Variants in STX12 observed in about 807,000 individuals in gnomAD.
STX12 encodes syntaxin-12.
In STX12, 17 loss-of-function variants were observed where a neutral mutation model predicts 42.2. That is an observed-to-expected ratio of 0.40 (90% CI 0.28 to 0.60). The LOEUF is 0.60. Ranked by LOEUF, STX12 falls within the 20% of genes least tolerant of loss-of-function variation. STX12 has a pLI of 0.39. For synonymous variants in STX12, 108 were observed against 116.7 expected, an observed-to-expected ratio of 0.93 and a Z score of 0.48; for missense variants, 297 against 330.9, an observed-to-expected ratio of 0.90 and a Z score of 0.79.
chr1:27,807,345 G>A (rs897815933), intron 4 of STX12, among the ~76,000 whole-genome samples: 3 of 151,618 alleles, frequency 2.0e-5, no homozygotes, highest in African/African-American at 4.9e-5. Flanking sequence ...CCACTTCCCC[G>A]CCACCAGTCC....
chr1:27,800,488 G>GGTGTGTGT (rs57488710), intron 3 of STX12, among the ~76,000 whole-genome samples: 24 of 140,986 alleles, frequency 1.7e-4, no homozygotes, highest in Non-Finnish European at 3.4e-4. Context: ...GTCAGTATGT[G>GGTGTGTGT]GTGTGTGTGT....
Position 27,812,143 on chromosome 1 carries a change from G to A in STX12, c.471-20G>A. On this transcript the variant is annotated intron_variant, in intron 5 of 8. Transcript: ENST00000373943. The stretch of plus-strand genomic sequence containing the variant: ...TGCCTTTGAGAGGAGAAATCACCTA[G>A]TGTGCCTGTTTCCCTGCAGCCATGA... The A allele has an allele frequency of 6.5e-7, 1 of 1,546,138 alleles. No individual in the cohort carries two copies. The highest frequency in any genetic ancestry group is 1.4e-5 in the African/African-American group (1 of 73,072).
intron 3 of STX12, among the ~76,000 whole-genome samples, chr1:27,798,420 G>A (rs1411943677): frequency 6.6e-6 from 1 of 151,778 alleles, no homozygotes; most frequent in Non-Finnish European, 1.5e-5. Context: ...CGAGGTGGGC[G>A]GATCACCTGA....
rs779453028 is a variant in STX12 at position 27,773,328 on chromosome 1, C to T, written c.21C>T (p.Asp7=). 1 of 1,611,262 alleles carries T rather than the reference C, an allele frequency of 6.2e-7. No individual in the cohort carries two copies. The highest frequency in any genetic ancestry group is 1.1e-5 in the South Asian group (1 of 90,772). Residue 7 remains aspartate (D), a synonymous_variant, in exon 1 of 9, where the codon GAC becomes GAT. Transcript: ENST00000373943. MSYGPL[D]MYRNPGPSGP... ...TCGTCATGTCATACGGTCCCTTAGA[C>T]ATGTACCGGAACCCGGGGCCCTCGG...
At chr1:27,781,038 CATTATT>C (rs2088664750) in intron 1 of STX12, among the ~76,000 whole-genome samples, 1 of 151,832 alleles carries the variant, frequency 6.6e-6, no homozygotes, top group African/African-American at 2.4e-5. Context: ...TAAATGGTGA[CATTATT>C]ATTATTTTTA....
At chr1:27,787,072 G>A (rs780870153) in intron 1 of STX12, among the ~76,000 whole-genome samples, 2 of 152,094 alleles carry the variant, frequency 1.3e-5, no homozygotes, top group Non-Finnish European at 2.9e-5. Flanking sequence ...TTGTCAAAAG[G>A]CAAAATTTGA....
chr1:27,807,737 T>G (rs891397067), intron 4 of STX12, among the ~76,000 whole-genome samples: 1 of 152,244 alleles, frequency 6.6e-6, no homozygotes, highest in Non-Finnish European at 1.5e-5. Flanking sequence ...TGTACAAGAA[T>G]GTGCATAGCA....
At chr1:27,806,913 C>G (rs1301216996) in intron 4 of STX12, among the ~76,000 whole-genome samples, 3 of 152,172 alleles carry the variant, frequency 2.0e-5, no homozygotes, top group Non-Finnish European at 4.4e-5. Context: ...CTCATGAGAA[C>G]TCCCTCACTA....
intron 6 of STX12, 89 bp from the exon 7 acceptor site, chr1:27,817,762 T>A: frequency 2.7e-6 from 3 of 1,116,616 alleles, no homozygotes. Context: ...AAAACACACG[T>A]GTTAATAGCT....
intron 8 of STX12, among the ~76,000 whole-genome samples, chr1:27,821,260 G>A (rs1251564027): frequency 6.6e-6 from 1 of 151,744 alleles, no homozygotes; most frequent in African/African-American, 2.4e-5. Flanking sequence ...AAAGAAATTC[G>A]TATTTAATAA....
intron 6 of STX12, 35 bp downstream of exon 6, chr1:27,812,303 T>C: frequency 6.7e-7 from 1 of 1,491,242 alleles, no homozygotes; most frequent in Non-Finnish European, 9.1e-7. Context: ...TTTGACTCAG[T>C]GTGTCTGCAG....
chr1:27,812,839 C>T (rs1032965768), intron 6 of STX12, among the ~76,000 whole-genome samples: 2 of 152,154 alleles, frequency 1.3e-5, no homozygotes, highest in African/African-American at 4.8e-5. Context: ...TCTTATTTCT[C>T]CTGGAGAAAT....
At position 27,822,430 on chromosome 1, in the gene STX12, C is replaced by T. The variant is rs749588204; in HGVS notation, c.*101C>T. The T allele has an allele frequency of 3.3e-5, 25 of 755,374 alleles. No individual in the cohort carries two copies. The highest frequency in any genetic ancestry group is 2.2e-4 in the Admixed American group (11 of 50,176). The allele number at this position is 755,374 out of a possible 1,614,324, so 46.8% of individuals were successfully genotyped here. On this transcript the variant is annotated 3_prime_UTR_variant, in exon 9 of 9. Coordinates refer to ENST00000373943, the MANE Select transcript of STX12 (RefSeq NM_177424.3). ...CACAAGAAGACAGCATATATCAGAACGTCCTGTAATCATTTAGTTAGAAAC... is the reference window on the plus strand; with the variant it reads ...CACAAGAAGACAGCATATATCAGAATGTCCTGTAATCATTTAGTTAGAAAC...
chr1:27,789,552 A>G lies in STX12; in HGVS notation c.119-10A>G, dbSNP rs374542398. On this transcript the variant is annotated splice_polypyrimidine_tract_variant and intron_variant, in intron 1 of 8. Coordinates refer to ENST00000373943, the MANE Select transcript of STX12 (RefSeq NM_177424.3). ...CTTTTAAATAAATCTTTTTCTTCCT[A>G]TCTCCCCAGCTGCTCAGATAAAGAA... is the stretch of plus-strand genomic sequence containing the variant. The G allele has an allele frequency of 3.7e-6, 6 of 1,610,282 alleles. 1 individual carries two copies. The highest frequency in any genetic ancestry group is 3.4e-5 in the Admixed American group (2 of 59,490).
At chr1:27,798,715 A>G (rs2088804672) in intron 3 of STX12, among the ~76,000 whole-genome samples, 1 of 149,892 alleles carries the variant, frequency 6.7e-6, no homozygotes, top group Non-Finnish European at 1.5e-5. Flanking sequence ...CCATCTCAAA[A>G]AAAGAAAAAA....
chr1:27,823,756 G>GT lies in STX12; in HGVS notation c.*1433dup, dbSNP rs1402933116. ...TTGCACTTACTTAATACAAATAAAT[G>GT]TTTTTTAAAGCTTTTGTAGTATGTT... On this transcript the variant is annotated 3_prime_UTR_variant, in exon 9 of 9. Transcript: ENST00000373943. The GT allele has an allele frequency of 1.3e-5, 2 of 152,598 alleles. No homozygotes were observed. The highest frequency in any genetic ancestry group is 4.8e-5 in the African/African-American group (2 of 41,436). The allele number at this position is 152,598 out of a possible 1,614,324, so 9.5% of individuals were successfully genotyped here.
intron 3 of STX12, among the ~76,000 whole-genome samples, chr1:27,798,783 A>T (rs2088805850): frequency 7.0e-6 from 1 of 142,790 alleles, no homozygotes; most frequent in Non-Finnish European, 1.5e-5. Context: ...TCCGTCTCAA[A>T]AAAAAAAAAA....
At chr1:27,795,707 C>T (rs1557802062) in intron 3 of STX12, among the ~76,000 whole-genome samples, 1 of 152,058 alleles carries the variant, frequency 6.6e-6, no homozygotes, top group African/African-American at 2.4e-5. Flanking sequence ...GAGTTTTGGC[C>T]CCCACTTGCA....
At chr1:27,785,765 G>A (rs1259712201) in intron 1 of STX12, among the ~76,000 whole-genome samples, 2 of 152,078 alleles carry the variant, frequency 1.3e-5, no homozygotes, top group Non-Finnish European at 2.9e-5. Flanking sequence ...AATGGAAAAG[G>A]GAGGCTAACT....
Sources: allele counts gnomAD v4.1 joint callset (sites outside exome capture counted in the v4.1 genomes callset), GRCh38; gene constraint gnomAD v4.1.1; transcripts MANE v1.5; gene names NCBI Gene and HGNC (gene_info 2026-07-23, HGNC 2026-07-21).